Variants in TEAD1 observed in about 807,000 individuals in gnomAD.
TEAD1 encodes the protein transcriptional enhancer factor TEF-1.
Under a neutral mutation model 54.9 loss-of-function variants are expected in TEAD1, and 9 were observed. The observed-to-expected ratio is 0.16, with a 90% confidence interval of 0.10 to 0.29. The LOEUF (loss-of-function observed/expected upper bound fraction) is 0.29. Ranked by LOEUF, TEAD1 falls within the 10% of genes least tolerant of loss-of-function variation. TEAD1 has a pLI of 1.00. For missense variants in TEAD1, 387 were observed against 535.9 expected (o/e 0.72, Z 2.74); for synonymous variants, 200 against 187.8 (o/e 1.07, Z -0.53).
chr11:12,834,209 T>C (rs562497640), intron 3 of TEAD1, among the ~76,000 whole-genome samples: 3 of 152,314 alleles, frequency 2.0e-5, no homozygotes, highest in African/African-American at 7.2e-5. Context: ...TTGACGTTTG[T>C]AGAGGGGAGG....
At chr11:12,680,371 C>T (rs761362514) in intron 2 of TEAD1, among the ~76,000 whole-genome samples, 4 of 152,360 alleles carry the variant, frequency 2.6e-5, no homozygotes, top group Admixed American at 6.5e-5. Flanking sequence ...TGCTGAGATG[C>T]GGAGAGCCCG....
At chr11:12,934,288 C>CA (rs1174009010) in intron 12 of TEAD1, among the ~76,000 whole-genome samples, 1 of 151,512 alleles carries the variant, frequency 6.6e-6, no homozygotes, top group Non-Finnish European at 1.5e-5. Context: ...ATTGCAAGGA[C>CA]AAAAAAACCA....
intron 2 of TEAD1, among the ~76,000 whole-genome samples, chr11:12,692,531 G>A (rs866754155): frequency 2.4e-4 from 37 of 151,900 alleles, no homozygotes; most frequent in South Asian, 4.2e-4. Context: ...TTTTAAAGCC[G>A]CAAGCTTAAT....
intron 2 of TEAD1, among the ~76,000 whole-genome samples, chr11:12,731,090 A>G (rs933995296): frequency 6.6e-6 from 1 of 152,110 alleles, no homozygotes; most frequent in African/African-American, 2.4e-5. Context: ...TTTCACTTAT[A>G]CACCATTCTC....
intron 5 of TEAD1, among the ~76,000 whole-genome samples, chr11:12,876,022 C>T (rs904669822): frequency 6.6e-6 from 1 of 152,130 alleles, no homozygotes; most frequent in African/African-American, 2.4e-5. Context: ...GGTTTGAAGC[C>T]AGGTCTCCGG....
At chr11:12,746,206 T>A (rs913487757) in intron 2 of TEAD1, among the ~76,000 whole-genome samples, 1 of 152,252 alleles carries the variant, frequency 6.6e-6, no homozygotes, top group Admixed American at 6.5e-5. Flanking sequence ...GAATGAACTT[T>A]GATTTCATTT....
intron 2 of TEAD1, among the ~76,000 whole-genome samples, chr11:12,693,373 A>G (rs1280114013): frequency 6.6e-6 from 1 of 152,182 alleles, no homozygotes; most frequent in African/African-American, 2.4e-5. Flanking sequence ...TGGTCTGCTC[A>G]CTCTGAACTC....
At chr11:12,781,176 C>T (rs1945533845) in intron 3 of TEAD1, among the ~76,000 whole-genome samples, 1 of 152,136 alleles carries the variant, frequency 6.6e-6, no homozygotes, top group Non-Finnish European at 1.5e-5. Context: ...TATCATATAT[C>T]ATAATTAACT....
chr11:12,826,392 G>T (rs1946656379), intron 3 of TEAD1, among the ~76,000 whole-genome samples: 1 of 152,112 alleles, frequency 6.6e-6, no homozygotes, highest in Non-Finnish European at 1.5e-5. Flanking sequence ...TTGTACCTTG[G>T]ATTACACTTT....
intron 12 of TEAD1, among the ~76,000 whole-genome samples, chr11:12,932,291 C>CTT (rs1949024878): frequency 3.3e-5 from 5 of 152,126 alleles, no homozygotes; most frequent in Non-Finnish European, 2.9e-5. Context: ...CTGTTGCTAT[C>CTT]TAAGAATAGA....
intron 2 of TEAD1, among the ~76,000 whole-genome samples, chr11:12,709,106 GT>G (rs1407938503): frequency 6.6e-6 from 1 of 152,218 alleles, no homozygotes; most frequent in East Asian, 1.9e-4. Context: ...GGGAGGCCAA[GT>G]GGGGTGGATA....
intron 8 of TEAD1, among the ~76,000 whole-genome samples, chr11:12,882,430 C>T (rs1029885214): frequency 3.9e-5 from 6 of 152,136 alleles, no homozygotes; most frequent in Non-Finnish European, 8.8e-5. Flanking sequence ...CCACAAGGCG[C>T]ACCCCCCATC....
rs559014355 is a variant in TEAD1, at chr11:12,754,173, G to A, written c.-54-10006G>A. ...CATATTGGGCAGTTTAAGTCGTTCA[G>A]CTTTGATTTTCTTCCTCAAGATTGC... On this transcript the variant is annotated intron_variant, in intron 2 of 12. Transcript: ENST00000527636. Among the ~76,000 whole-genome samples the A allele has an allele frequency of 4.1e-4, 62 of 152,312 alleles. 2 individuals are homozygous for A. The highest frequency in any genetic ancestry group is 1.4e-3 in the African/African-American group (59 of 41,570).
At chr11:12,776,447 G>A (rs562112080) in intron 3 of TEAD1, among the ~76,000 whole-genome samples, 1 of 152,056 alleles carries the variant, frequency 6.6e-6, no homozygotes, top group Non-Finnish European at 1.5e-5. Context: ...TAATGTTTTT[G>A]ATGGCCATGT....
chr11:12,693,014 C>T lies in TEAD1; in HGVS notation c.-55+17453C>T, dbSNP rs1042140787. On this transcript the variant is annotated intron_variant, in intron 2 of 12. Transcript: ENST00000527636. ...CTTTTGAAAACCACCCCTACTGGTC[C>T]TGTGCTTAATGTCTTGTGTGGGGAT... 5.3e-5 allele frequency among the ~76,000 whole-genome samples: 8 copies of T among 152,198 alleles called. No homozygotes were observed. In the South Asian group the frequency reaches 6.2e-4, roughly 12 times the overall value.
rs1323457302 is a variant in TEAD1, at chr11:12,943,366, T to TC, written c.*6145dup. 2 of 152,674 alleles carry TC rather than the reference T, an allele frequency of 1.3e-5. No individual in the cohort carries two copies. The highest frequency in any genetic ancestry group is 2.4e-5 in the African/African-American group (1 of 41,472). The allele number at this position is 152,674 out of a possible 1,614,324, so 9.5% of individuals were successfully genotyped here. On this transcript the variant is annotated 3_prime_UTR_variant, in exon 13 of 13. Coordinates refer to ENST00000527636, the MANE Select transcript of TEAD1 (RefSeq NM_021961.6). ...ACTGTGCTTTGTTTGAAAGTAGTTT[T>TC]CTCTCTCAAAGCCGTTGCTTATATC...
intron 3 of TEAD1, among the ~76,000 whole-genome samples, chr11:12,818,866 A>T (rs1946470858): frequency 6.6e-6 from 1 of 152,208 alleles, no homozygotes; most frequent in Non-Finnish European, 1.5e-5. Flanking sequence ...CTAACTTGGG[A>T]CCAATATGAA....
At chr11:12,692,792 A>G (rs1480260443) in intron 2 of TEAD1, among the ~76,000 whole-genome samples, 1 of 152,210 alleles carries the variant, frequency 6.6e-6, no homozygotes, top group Non-Finnish European at 1.5e-5. Flanking sequence ...GACTGGAGCC[A>G]CTGACGTCAT....
chr11:12,896,114 C>A (rs527883584), intron 9 of TEAD1, among the ~76,000 whole-genome samples: 2 of 152,062 alleles, frequency 1.3e-5, no homozygotes, highest in Non-Finnish European at 2.9e-5. Flanking sequence ...TATATTGGAA[C>A]CATTTCCTTA....
Sources: gnomAD v4.1 joint callset for allele counts (sites outside exome capture counted in the v4.1 genomes callset) on GRCh38, gnomAD v4.1.1 for gene constraint, MANE v1.5 for transcripts, NCBI Gene and HGNC (gene_info 2026-07-23, HGNC 2026-07-21) for gene names.